ADAMTSL3: variants seen among roughly 807,000 people sequenced by gnomAD.
ADAMTSL3 encodes ADAMTS like 3, also known as ADAMTS-like protein 3.
In ADAMTSL3, 128 loss-of-function variants were observed where a neutral mutation model predicts 201.7. The ratio of observed to expected loss-of-function variants is 0.63; its 90% CI spans 0.55 to 0.73. The LOEUF is 0.73. Ranked by LOEUF, ADAMTSL3 falls within the 30% of genes least tolerant of loss-of-function variation. ADAMTSL3 has a pLI of 0.00. For synonymous variants in ADAMTSL3, 738 were observed against 748.4 expected, an observed-to-expected ratio of 0.99 and a Z score of 0.23; for missense variants, 1,990 against 2,119.6, an observed-to-expected ratio of 0.94 and a Z score of 1.20.
At chr15:83,781,108 C>A (rs1411151970) in intron 4 of ADAMTSL3, among the ~76,000 whole-genome samples, 1 of 151,890 alleles carries the variant, frequency 6.6e-6, no homozygotes, top group Non-Finnish European at 1.5e-5. Flanking sequence ...AAAAAAAAAA[C>A]TATTTTAACA....
intron 3 of ADAMTSL3, among the ~76,000 whole-genome samples, chr15:83,759,492 T>C (rs1192645485): frequency 6.6e-6 from 1 of 152,252 alleles, no homozygotes. Context: ...CCCAAAGTGC[T>C]GGAATTACAG....
At chr15:83,807,284 A>G (rs1172723072) in intron 5 of ADAMTSL3, among the ~76,000 whole-genome samples, 9 of 151,924 alleles carry the variant, frequency 5.9e-5, no homozygotes, top group Admixed American at 1.3e-4. Context: ...GTGAAACTCC[A>G]TCTCTACTAA....
chr15:83,994,375 A>G (rs2141842403), intron 23 of ADAMTSL3, among the ~76,000 whole-genome samples: 1 of 152,318 alleles, frequency 6.6e-6, no homozygotes, highest in South Asian at 2.1e-4. Flanking sequence ...AGGTTATACA[A>G]AAGACTCTTA....
rs1322502114 is a variant in ADAMTSL3 at position 83,975,103 on chromosome 15, G to C, written c.2644+4466G>C. 3.4e-5 allele frequency among the ~76,000 whole-genome samples: 5 copies of C among 146,396 alleles called. No individual in the cohort carries two copies. In the South Asian group the frequency reaches 6.6e-4, roughly 19 times the overall value. On this transcript the variant is annotated intron_variant, in intron 20 of 29. Transcript: ENST00000286744. ...TGCAAGCTCTGCCTCCCGGGTTCACGCCATTCTCCTGCCTCAGCCTCCTGA... is the reference window on the plus strand; with the variant it reads ...TGCAAGCTCTGCCTCCCGGGTTCACCCCATTCTCCTGCCTCAGCCTCCTGA...
At chr15:83,846,234 TTTG>T (rs1271106157) in intron 7 of ADAMTSL3, among the ~76,000 whole-genome samples, 1 of 152,238 alleles carries the variant, frequency 6.6e-6, no homozygotes, top group Non-Finnish European at 1.5e-5. Flanking sequence ...GTGCTATGTA[TTTG>T]TTATGTGTGA....
chr15:84,030,415 G>A (rs1014981133), intron 27 of ADAMTSL3, among the ~76,000 whole-genome samples: 20 of 152,150 alleles, frequency 1.3e-4, no homozygotes, highest in East Asian at 5.8e-4. Context: ...AGATCATATC[G>A]GAACTTTAAG....
intron 9 of ADAMTSL3, among the ~76,000 whole-genome samples, chr15:83,874,176 G>A (rs2065134931): frequency 7.8e-6 from 1 of 127,550 alleles, no homozygotes; most frequent in Admixed American, 7.3e-5. Flanking sequence ...CAAAGGAAGC[G>A]GGCAGCGAGC....
chr15:83,977,994 C>T (rs911142480), intron 20 of ADAMTSL3, among the ~76,000 whole-genome samples: 1 of 152,242 alleles, frequency 6.6e-6, no homozygotes, highest in Non-Finnish European at 1.5e-5. Flanking sequence ...GATCTTTACT[C>T]CTATTGGGAG....
intron 23 of ADAMTSL3, among the ~76,000 whole-genome samples, chr15:84,011,273 G>A (rs542047495): frequency 6.6e-6 from 1 of 152,188 alleles, no homozygotes; most frequent in Non-Finnish European, 1.5e-5. Flanking sequence ...TTTCTTGTAG[G>A]CTAGAAATAG....
chr15:83,904,821 A>G (rs2065804023), intron 15 of ADAMTSL3, among the ~76,000 whole-genome samples: 1 of 152,226 alleles, frequency 6.6e-6, no homozygotes, highest in Admixed American at 6.5e-5. Flanking sequence ...GGGTGGACTT[A>G]GTTAGCACAC....
At chr15:83,853,124 G>A (rs963754662) in intron 7 of ADAMTSL3, among the ~76,000 whole-genome samples, 6 of 152,134 alleles carry the variant, frequency 3.9e-5, no homozygotes, top group Non-Finnish European at 8.8e-5. Flanking sequence ...CAAAGTGCTA[G>A]GATTACAGGC....
intron 5 of ADAMTSL3, among the ~76,000 whole-genome samples, chr15:83,807,975 A>C (rs1050782792): frequency 2.0e-5 from 3 of 152,258 alleles, no homozygotes; most frequent in Non-Finnish European, 4.4e-5. Flanking sequence ...CTCACCGTGT[A>C]CAAAATCCAC....
At chr15:84,009,020 C>T (rs1255197549) in intron 23 of ADAMTSL3, among the ~76,000 whole-genome samples, 1 of 152,214 alleles carries the variant, frequency 6.6e-6, no homozygotes, top group Non-Finnish European at 1.5e-5. Flanking sequence ...ATTGCCACTA[C>T]ACTGGTCCAA....
intron 19 of ADAMTSL3, among the ~76,000 whole-genome samples, chr15:83,958,552 C>G (rs1224624862): frequency 6.6e-6 from 1 of 152,186 alleles, no homozygotes; most frequent in Admixed American, 6.5e-5. Flanking sequence ...TGCTTACACT[C>G]TCTTTCCCTA....
Position 83,666,576 on chromosome 15 carries a change from A to G in ADAMTSL3, c.69+10746A>G, listed in dbSNP as rs1750267717. Reference sequence around the variant, plus strand: ...TAACAGGACTGGGCACAATGGCCACACCTGTACTCCCAGCACTTTAGGAGG... The same window carrying G: ...TAACAGGACTGGGCACAATGGCCACGCCTGTACTCCCAGCACTTTAGGAGG... On this transcript the variant is annotated intron_variant, in intron 2 of 29. Transcript: ENST00000286744. Among the ~76,000 whole-genome samples the G allele has an allele frequency of 2.0e-5, 3 of 152,158 alleles. No individual in the cohort carries two copies. The South Asian group carries it at 6.2e-4, about 32-fold the overall frequency.
chr15:83,928,825 T>C (rs186149997), intron 17 of ADAMTSL3, among the ~76,000 whole-genome samples: 125 of 152,334 alleles, frequency 8.2e-4, no homozygotes, highest in African/African-American at 3.0e-3. Flanking sequence ...TCAAACATTT[T>C]CCCCCACTTT....
chr15:83,899,273 G>A (rs1194689433), intron 14 of ADAMTSL3, among the ~76,000 whole-genome samples: 1 of 152,110 alleles, frequency 6.6e-6, no homozygotes, highest in African/African-American at 2.4e-5. Context: ...ATTAATGTTT[G>A]CATTCCATGG....
At chr15:83,730,580 A>G (rs2062249601) in intron 3 of ADAMTSL3, among the ~76,000 whole-genome samples, 1 of 151,996 alleles carries the variant, frequency 6.6e-6, no homozygotes. Context: ...ACCAGCCTCA[A>G]GAACCCAAAA....
chr15:83,871,024 A>G (rs1358300730), intron 9 of ADAMTSL3, 65 bp downstream of exon 9: 4 of 1,567,992 alleles, frequency 2.6e-6, no homozygotes, highest in African/African-American at 2.7e-5. Flanking sequence ...TTTTAAAACA[A>G]TGAGTTTGTT....
Sources: allele counts gnomAD v4.1 joint callset (sites outside exome capture counted in the v4.1 genomes callset), GRCh38; gene constraint gnomAD v4.1.1; transcripts MANE v1.5; gene names NCBI Gene and HGNC (gene_info 2026-07-23, HGNC 2026-07-21).